EYA2: variants seen among roughly 807,000 people sequenced by gnomAD.
The protein encoded by EYA2 is EYA transcriptional coactivator and phosphatase 2.
In EYA2, 31 loss-of-function variants were observed where a neutral mutation model predicts 69.2. The ratio of observed to expected loss-of-function variants is 0.45; its 90% CI spans 0.34 to 0.60. EYA2 has a LOEUF of 0.60. EYA2 is among the 20% of genes least tolerant of loss of function. EYA2 has a pLI of 0.02. For missense variants in EYA2, 622 were observed against 701.2 expected, an observed-to-expected ratio of 0.89 and a Z score of 1.28; for synonymous variants, 257 against 279.4, an observed-to-expected ratio of 0.92 and a Z score of 0.80.
At chr20:47,030,486 A>G (rs2066227) in intron 5 of EYA2, among the ~76,000 whole-genome samples, 100,229 of 152,152 alleles carry the variant, frequency 0.66, 35,573 homozygotes, top group Non-Finnish European at 0.8. Context: ...CATGGGCCAC[A>G]CAGCCCCAGG....
intron 15 of EYA2, among the ~76,000 whole-genome samples, chr20:47,183,692 G>T (rs1362886768): frequency 1.3e-5 from 2 of 152,174 alleles, no homozygotes; most frequent in South Asian, 2.1e-4. Flanking sequence ...GCCAGTGCAC[G>T]TGCATGTGTT....
intron 1 of EYA2, chr20:46,978,329 GGT>G (rs1980591333): frequency 2.5e-5 from 8 of 319,080 alleles, no homozygotes; most frequent in South Asian, 2.2e-4. Flanking sequence ...TACAGTGACT[GGT>G]GTGTGTGATA....
At chr20:46,987,964 C>CTCTCTCTATATATATA (rs1555809797) in intron 1 of EYA2, among the ~76,000 whole-genome samples, 2 of 11,274 alleles carry the variant, frequency 1.8e-4, no homozygotes, top group African/African-American at 2.8e-4. Flanking sequence ...CTCTCTCTCT[C>CTCTCTCTATATATATA]TATATATATA....
chr20:47,036,157 A>G (rs985947403), intron 5 of EYA2, among the ~76,000 whole-genome samples: 5 of 152,078 alleles, frequency 3.3e-5, no homozygotes, highest in Non-Finnish European at 7.4e-5. Flanking sequence ...GAAAACTGAG[A>G]CTCCAAGGGA....
rs763568193 is a variant in EYA2, at chr20:47,172,857, C to G, written c.1188C>G (p.Asn396Lys). The G allele has an allele frequency of 6.2e-7, 1 of 1,611,896 alleles. No homozygotes were observed. Among genetic ancestry groups the G allele is most frequent in the Non-Finnish European group, 8.5e-7 (1 of 1,178,920 alleles). ...AGGAGATGTACAATACCTACAAGAA[C>G]AACGTTGGTGGTGAGTACTGTGAGC... is the stretch of plus-strand genomic sequence containing the variant. ...RVKEMYNTYK[N>K]NVGGLIGTPK... The change falls in exon 12 of 16, where the codon AAC (asparagine) becomes AAG (lysine). Residue 396 changes from asparagine to lysine, a missense_variant. Transcript: ENST00000327619.
chr20:46,947,458 A>C (rs745329591), intron 1 of EYA2, among the ~76,000 whole-genome samples: 6 of 152,214 alleles, frequency 3.9e-5, no homozygotes, highest in Non-Finnish European at 8.8e-5. Flanking sequence ...ACAGAAATGA[A>C]AGTTTTAAGA....
chr20:46,897,633 A>G (rs1568656649), intron 1 of EYA2, among the ~76,000 whole-genome samples: 2 of 152,224 alleles, frequency 1.3e-5, no homozygotes, highest in African/African-American at 4.8e-5. Context: ...CTTGTATAAT[A>G]AAATCGCAGG....
rs199716349 is a variant in EYA2 at position 46,988,313 on chromosome 20, C to CT, written c.-10-1680dup. ...CATTTAAGTTGCTATTAAAATAGTG[C>CT]TTTTTTTTACATGAATCATCTTTTT... On this transcript the variant is annotated intron_variant, in intron 1 of 15. Coordinates refer to ENST00000327619, the MANE Select transcript of EYA2 (RefSeq NM_005244.5). Among the ~76,000 whole-genome samples the CT allele has an allele frequency of 8.8e-3, 1,338 of 151,488 alleles. 16 individuals carry two copies. Among genetic ancestry groups the CT allele is most frequent in the African/African-American group, 0.029 (1,191 of 41,286 alleles).
intron 9 of EYA2, among the ~76,000 whole-genome samples, chr20:47,124,297 T>C (rs918895812): frequency 1.3e-5 from 2 of 152,200 alleles, no homozygotes; most frequent in Non-Finnish European, 1.5e-5. Flanking sequence ...TGGACTCTTG[T>C]TGACTTGATG....
intron 1 of EYA2, among the ~76,000 whole-genome samples, chr20:46,948,316 C>T (rs1178536144): frequency 2.6e-5 from 4 of 152,152 alleles, no homozygotes; most frequent in Non-Finnish European, 5.9e-5. Context: ...AACAAATGGG[C>T]TTATCTGTGT....
chr20:47,036,922 T>A (rs1336702012), intron 5 of EYA2, among the ~76,000 whole-genome samples: 1 of 152,120 alleles, frequency 6.6e-6, no homozygotes, highest in Non-Finnish European at 1.5e-5. Flanking sequence ...AAATGATGGG[T>A]GTATTAGTTT....
intron 10 of EYA2, among the ~76,000 whole-genome samples, chr20:47,156,131 TATATATATATATA>T (rs2033939536): frequency 1.3e-4 from 1 of 7,668 alleles, no homozygotes; most frequent in Non-Finnish European, 2.2e-4. Context: ...CACACACATA[TATATATATATATA>T]TATATATATA....
At chr20:47,011,547 T>A (rs1311849150) in intron 4 of EYA2, among the ~76,000 whole-genome samples, 1 of 152,160 alleles carries the variant, frequency 6.6e-6, no homozygotes, top group African/African-American at 2.4e-5. Flanking sequence ...ACTGGCCTCC[T>A]TGCTGTTAGT....
At chr20:47,089,146 G>A in intron 7 of EYA2, 93 bp from the exon 8 acceptor site, 1 of 1,479,212 alleles carries the variant, frequency 6.8e-7, no homozygotes, top group Non-Finnish European at 9.2e-7. Context: ...GGAACCCACT[G>A]CTTTGGAGCT....
chr20:46,903,590 G>A (rs1051293181), intron 1 of EYA2, among the ~76,000 whole-genome samples: 2 of 152,160 alleles, frequency 1.3e-5, no homozygotes, highest in African/African-American at 2.4e-5. Context: ...CTACTCCTGC[G>A]TTTAACTTGG....
At chr20:47,025,427 C>G (rs1046854947) in intron 5 of EYA2, among the ~76,000 whole-genome samples, 8 of 152,244 alleles carry the variant, frequency 5.3e-5, no homozygotes, top group African/African-American at 1.9e-4. Context: ...TATGCACACT[C>G]TTCTGCACTT....
chr20:46,907,201 CA>C (rs1408997606), intron 1 of EYA2, among the ~76,000 whole-genome samples: 5 of 152,168 alleles, frequency 3.3e-5, no homozygotes, highest in Admixed American at 1.3e-4. Flanking sequence ...CTACAGGGCA[CA>C]AATGCAGTTT....
chr20:47,070,880 G>A (rs1419688710), intron 5 of EYA2, among the ~76,000 whole-genome samples: 2 of 151,980 alleles, frequency 1.3e-5, no homozygotes, highest in African/African-American at 4.8e-5. Flanking sequence ...ACAGGGTCTT[G>A]CCGTGTTGCG....
intron 1 of EYA2, among the ~76,000 whole-genome samples, chr20:46,941,020 T>C (rs6066131): frequency 0.39 from 58,880 of 152,078 alleles, 12,025 homozygotes; most frequent in Non-Finnish European, 0.45. Flanking sequence ...AAATCAACAG[T>C]GGGAAAGGTG....
Sources: allele counts gnomAD v4.1 joint callset (sites outside exome capture counted in the v4.1 genomes callset), GRCh38; gene constraint gnomAD v4.1.1; transcripts MANE v1.5; gene names NCBI Gene and HGNC (gene_info 2026-07-23, HGNC 2026-07-21).